Variants in NHS observed in about 807,000 individuals in gnomAD.
The protein encoded by NHS is actin remodeling regulator NHS.
A neutral mutation model predicts 72.5 loss-of-function variants in NHS; 5 were observed. That is an observed-to-expected ratio of 0.07 (90% CI 0.04 to 0.14). NHS has a LOEUF of 0.14. Among genes scored for constraint, NHS ranks in the 10% least tolerant of loss-of-function variants. The pLI, the probability that NHS is intolerant of heterozygous loss-of-function variation, is 1.00. For missense variants in NHS, 1,072 were observed against 1,355.7 expected, an observed-to-expected ratio of 0.79 and a Z score of 3.29; for synonymous variants, 464 against 547.7, an observed-to-expected ratio of 0.85 and a Z score of 2.13.
At chrX:17,377,693 C>G (rs1023510143) in intron 1 of NHS, among the ~76,000 whole-genome samples, 17 of 113,482 alleles carry the variant, frequency 1.5e-4, no homozygotes, top group African/African-American at 2.2e-4. Context: ...AACCCCGTCC[C>G]GGGAATTCAC....
chrX:17,425,560 A>G (rs866385232), intron 1 of NHS, among the ~76,000 whole-genome samples: 15 of 82,050 alleles, frequency 1.8e-4, no homozygotes, highest in African/African-American at 5.7e-4. Flanking sequence ...AAAAAAAAAA[A>G]AAAAAAAAAA....
chrX:17,720,149 C>T (rs1033217223), intron 4 of NHS, among the ~76,000 whole-genome samples: 2 of 111,466 alleles, frequency 1.8e-5, no homozygotes, highest in South Asian at 3.7e-4. Context: ...ACGTTCATGA[C>T]GAACATATTT....
chrX:17,539,550 A>AG (rs1238498095), intron 1 of NHS, among the ~76,000 whole-genome samples: 1 of 110,179 alleles, frequency 9.1e-6, no homozygotes, highest in Non-Finnish European at 1.9e-5. Context: ...CAATTAGAAC[A>AG]TGTTTTCTCT....
intron 5 of NHS, among the ~76,000 whole-genome samples, chrX:17,722,978 G>A (rs902053170): frequency 9.0e-6 from 1 of 111,667 alleles, no homozygotes; most frequent in Non-Finnish European, 1.9e-5. Context: ...GATTTCAAGA[G>A]CTTTAATGAG....
Position 17,712,393 on chromosome X carries a change from C to CACATAT in NHS, c.853-6950_853-6949insCATATA, listed in dbSNP as rs1301774080. 1.2e-3 allele frequency among the ~76,000 whole-genome samples: 94 copies of CACATAT among 81,411 alleles called. 1 individual carries two copies. The highest frequency in any genetic ancestry group is 4.4e-3 in the African/African-American group (85 of 19,212). 70.7% of individuals were successfully genotyped at this position (81,411 alleles called of 115,157 possible). A position where few individuals can be genotyped will look rare whatever the true frequency, so the allele number is the denominator to read the frequency against. ...ACACACACACACACACACACACACA[C>CACATAT]ATATATATATATATATATATTGCAA... is the stretch of plus-strand genomic sequence containing the variant. On this transcript the variant is annotated intron_variant, in intron 3 of 8. Transcript: ENST00000676302.
chrX:17,392,973 T>C (rs183877453), intron 1 of NHS, among the ~76,000 whole-genome samples: 60 of 112,408 alleles, frequency 5.3e-4, no homozygotes, highest in African/African-American at 1.6e-3. Context: ...TCTAGATTTC[T>C]ATATGTAAAT....
intron 1 of NHS, among the ~76,000 whole-genome samples, chrX:17,579,657 G>A (rs769555555): frequency 2.7e-5 from 3 of 111,391 alleles, no homozygotes; most frequent in Non-Finnish European, 5.7e-5. Context: ...CGGAAACAGT[G>A]AAGAACTGTA....
intron 1 of NHS, among the ~76,000 whole-genome samples, chrX:17,386,944 T>A (rs1319605470): frequency 8.9e-6 from 1 of 112,272 alleles, no homozygotes; most frequent in East Asian, 2.8e-4. Context: ...TTTAAAATCT[T>A]GATTCAATGT....
Position 17,375,904 on chromosome X carries a change from C to A in NHS, c.147C>A (p.Val49=). The change falls in exon 1 of 9, where the codon GTC becomes GTA. Residue 49 remains valine (V), a synonymous_variant. Coordinates refer to ENST00000676302, the MANE Select transcript of NHS (RefSeq NM_001291867.2). ...QPPGRRDLDE[V]EAPGPEEPAR... The stretch of plus-strand genomic sequence containing the variant: ...CGGGCCGGAGGGACCTGGACGAGGT[C>A]GAGGCGCCAGGGCCAGAGGAGCCAG... 1 of 1,097,743 alleles carries A rather than the reference C, an allele frequency of 9.1e-7. No homozygotes were observed. Among genetic ancestry groups the A allele is most frequent in the South Asian group, 2.2e-5 (1 of 45,336 alleles). The allele number at this position is 1,097,743 out of a possible 1,213,427, so 90.5% of individuals were successfully genotyped here. A position where few individuals can be genotyped will look rare whatever the true frequency, so the allele number is the denominator to read the frequency against.
intron 1 of NHS, among the ~76,000 whole-genome samples, chrX:17,580,421 C>T (rs2065537430): frequency 8.9e-6 from 1 of 111,921 alleles, no homozygotes. Context: ...CAGAGAAAGT[C>T]CCTTCCCTCT....
intron 1 of NHS, among the ~76,000 whole-genome samples, chrX:17,571,734 C>T (rs1481991160): frequency 6.3e-5 from 7 of 111,461 alleles, no homozygotes; most frequent in African/African-American, 2.0e-4. Flanking sequence ...GCTCTTGCTT[C>T]TCTAGTTCTT....
At chrX:17,677,819 T>A in intron 1 of NHS, among the ~76,000 whole-genome samples, 1 of 111,825 alleles carries the variant, frequency 8.9e-6, no homozygotes, top group Middle Eastern at 4.6e-3. Context: ...CATTTCGTTT[T>A]ATTTTTGAGA....
rs755718821 is a variant in NHS, at chrX:17,728,781, G to A, written c.4349+6G>A. ...TTATTTGCAGTCATTCACAGGTGAG[G>A]CAACATTACCAAGTCCCCCAAAACA... On this transcript the variant is annotated splice_donor_region_variant and intron_variant, in intron 8 of 8. Coordinates refer to ENST00000676302, the MANE Select transcript of NHS (RefSeq NM_001291867.2). The A allele has an allele frequency of 1.2e-5, 15 of 1,209,480 alleles. No homozygotes were observed. In the East Asian group the frequency reaches 3.9e-4, roughly 31 times the overall value.
At position 17,727,239 on chromosome X, in the gene NHS, T is replaced by C; in HGVS notation, c.3133T>C (p.Leu1045=). 2.5e-6 allele frequency: 3 copies of C among 1,211,678 alleles called. No homozygotes were observed. Among genetic ancestry groups the C allele is most frequent in the Non-Finnish European group, 3.4e-6 (3 of 895,338 alleles). Residue 1045 remains leucine, a synonymous_variant, in exon 7 of 9, where the codon TTG becomes CTG. Coordinates refer to ENST00000676302, the MANE Select transcript of NHS (RefSeq NM_001291867.2). ...SFPTAFFSGP[L]SPGGSKRKPK... is the part of the protein sequence containing the mutation. ...CCCTACAGCTTTCTTTTCAGGTCCA[T>C]TGTCTCCCGGAGGTAGCAAAAGAAA...
chrX:17,706,635 G>A (rs1274746373), intron 3 of NHS, among the ~76,000 whole-genome samples: 1 of 111,659 alleles, frequency 9.0e-6, no homozygotes, highest in East Asian at 2.8e-4. Context: ...AATGCTTAGT[G>A]CAGAGCTTCT....
At chrX:17,517,475 G>A (rs959848089) in intron 1 of NHS, among the ~76,000 whole-genome samples, 7 of 112,343 alleles carry the variant, frequency 6.2e-5, no homozygotes, top group African/African-American at 2.3e-4. Context: ...AGATAGTATA[G>A]CGTATTACCT....
At chrX:17,710,617 CA>C (rs1371033002) in intron 3 of NHS, among the ~76,000 whole-genome samples, 1 of 111,049 alleles carries the variant, frequency 9.0e-6, no homozygotes, top group East Asian at 2.8e-4. Flanking sequence ...TAGTGGCTGA[CA>C]GGGGTAGGGG....
At chrX:17,695,204 C>T (rs965979632) in intron 3 of NHS, among the ~76,000 whole-genome samples, 3 of 111,695 alleles carry the variant, frequency 2.7e-5, no homozygotes, top group Non-Finnish European at 5.6e-5. Flanking sequence ...AACTTTGATC[C>T]AGCAATTTTA....
intron 3 of NHS, among the ~76,000 whole-genome samples, chrX:17,716,959 ACT>A (rs1491461212): frequency 9.4e-5 from 8 of 85,039 alleles, no homozygotes; most frequent in African/African-American, 3.1e-4. Context: ...CATTCCCCTT[ACT>A]CTTTTTTTTT....
Sources: gnomAD v4.1 joint callset for allele counts (sites outside exome capture counted in the v4.1 genomes callset) on GRCh38, gnomAD v4.1.1 for gene constraint, MANE v1.5 for transcripts, NCBI Gene and HGNC (gene_info 2026-07-23, HGNC 2026-07-21) for gene names.